Variants in PTPRD observed in about 807,000 individuals in gnomAD.
The protein encoded by PTPRD is receptor-type tyrosine-protein phosphatase delta.
Under a neutral mutation model 214.5 loss-of-function variants are expected in PTPRD, and 34 were observed. The observed-to-expected ratio is 0.16, with a 90% CI of 0.12 to 0.21. PTPRD has a LOEUF of 0.21. Among genes scored for constraint, PTPRD ranks in the 10% least tolerant of loss-of-function variants. The pLI is 1.00. For missense variants in PTPRD, 2,545 were observed against 2,398.7 expected (o/e 1.06, Z -1.27); for synonymous variants, 1,128 against 845.7 (o/e 1.33, Z -5.79).
intron 12 of PTPRD, among the ~76,000 whole-genome samples, chr9:8,721,552 A>G (rs2098498620): frequency 6.6e-6 from 1 of 152,198 alleles, no homozygotes; most frequent in Admixed American, 6.5e-5. Context: ...AAAATAAAAT[A>G]TTAACAAAAT....
chr9:9,457,774 A>AC (rs1555429842), intron 8 of PTPRD, among the ~76,000 whole-genome samples: 3 of 151,834 alleles, frequency 2.0e-5, no homozygotes, highest in Non-Finnish European at 4.4e-5. Context: ...CCCCAAATAC[A>AC]GGGGGAAGAT....
intron 5 of PTPRD, among the ~76,000 whole-genome samples, chr9:9,775,886 G>A (rs552882610): frequency 1.3e-4 from 19 of 147,660 alleles, no homozygotes; most frequent in African/African-American, 4.8e-4. Flanking sequence ...AACCAGGGAG[G>A]CGGAGCTTGC....
At chr9:8,823,426 A>G (rs2097111687) in intron 11 of PTPRD, among the ~76,000 whole-genome samples, 1 of 152,158 alleles carries the variant, frequency 6.6e-6, no homozygotes, top group Admixed American at 6.5e-5. Flanking sequence ...TTAAACCAAT[A>G]GTTTCCAAGC....
intron 8 of PTPRD, among the ~76,000 whole-genome samples, chr9:9,399,914 T>C (rs2069535028): frequency 6.6e-6 from 1 of 151,988 alleles, no homozygotes; most frequent in African/African-American, 2.4e-5. Flanking sequence ...ATGTCCTTTA[T>C]TAGCAGCATG....
chr9:10,213,261 CATT>C lies in PTPRD; in HGVS notation c.-545+127699_-545+127701del, dbSNP rs567360239. 1.3e-4 allele frequency among the ~76,000 whole-genome samples: 20 copies of C among 152,090 alleles called. No individual in the cohort carries two copies. The South Asian group carries it at 4.1e-3, about 32-fold the overall frequency. On this transcript the variant is annotated intron_variant, in intron 3 of 45. Coordinates refer to ENST00000381196, the MANE Select transcript of PTPRD (RefSeq NM_002839.4). ...AGATGGCAGAGTAAGCAAGTCAAAA[CATT>C]ATAAAATAGAGTTATAACAATCTAC... is the stretch of plus-strand genomic sequence containing the variant.
chr9:8,563,497 G>C (rs2154214062), intron 14 of PTPRD, among the ~76,000 whole-genome samples: 1 of 150,286 alleles, frequency 6.7e-6, no homozygotes, highest in East Asian at 2.0e-4. Flanking sequence ...GAGTGCAGTG[G>C]CGCAATCTTG....
intron 10 of PTPRD, among the ~76,000 whole-genome samples, chr9:9,141,323 T>G (rs898829464): frequency 2.6e-5 from 4 of 151,560 alleles, no homozygotes; most frequent in Non-Finnish European, 5.9e-5. Flanking sequence ...ACACGGCACC[T>G]GGATACTTGC....
At chr9:9,320,538 T>C (rs555205853) in intron 9 of PTPRD, among the ~76,000 whole-genome samples, 69 of 152,280 alleles carry the variant, frequency 4.5e-4, no homozygotes, top group Admixed American at 1.2e-3. Flanking sequence ...TTCACTTACA[T>C]CTGTAGTACA....
chr9:9,469,593 G>A (rs1473482681), intron 8 of PTPRD, among the ~76,000 whole-genome samples: 1 of 152,112 alleles, frequency 6.6e-6, no homozygotes, highest in Non-Finnish European at 1.5e-5. Flanking sequence ...AGATGAAAAG[G>A]CCTATTGAGT....
intron 8 of PTPRD, among the ~76,000 whole-genome samples, chr9:9,545,680 T>C (rs2078625386): frequency 6.6e-6 from 1 of 151,904 alleles, no homozygotes; most frequent in African/African-American, 2.4e-5. Flanking sequence ...ACATCTGTTC[T>C]TTCATCAGTA....
At chr9:9,377,144 A>G (rs1054851754) in intron 9 of PTPRD, among the ~76,000 whole-genome samples, 2 of 152,110 alleles carry the variant, frequency 1.3e-5, no homozygotes, top group African/African-American at 4.8e-5. Context: ...ATATAAAAAC[A>G]TCCAGTTATA....
intron 31 of PTPRD, among the ~76,000 whole-genome samples, chr9:8,469,658 T>A (rs534838623): frequency 3.2e-4 from 48 of 152,060 alleles, no homozygotes; most frequent in Non-Finnish European, 4.9e-4. Context: ...TTTTGTTCCT[T>A]CACCATCAAA....
chr9:8,832,142 T>C (rs2097307270), intron 11 of PTPRD, among the ~76,000 whole-genome samples: 1 of 151,672 alleles, frequency 6.6e-6, no homozygotes, highest in Non-Finnish European at 1.5e-5. Flanking sequence ...GTGTATGATC[T>C]ATACATATGT....
At chr9:9,499,477 A>G (rs142238674) in intron 8 of PTPRD, among the ~76,000 whole-genome samples, 18 of 152,230 alleles carry the variant, frequency 1.2e-4, no homozygotes, top group African/African-American at 4.1e-4. Flanking sequence ...ACTTTACTTC[A>G]GCTATCATAT....
intron 10 of PTPRD, among the ~76,000 whole-genome samples, chr9:9,127,019 C>A (rs2099835000): frequency 6.6e-6 from 1 of 151,670 alleles, no homozygotes; most frequent in African/African-American, 2.4e-5. Flanking sequence ...CACACACACA[C>A]ACTCAGGCTG....
chr9:8,647,019 C>T (rs1292277926), intron 12 of PTPRD, among the ~76,000 whole-genome samples: 1 of 152,194 alleles, frequency 6.6e-6, no homozygotes, highest in East Asian at 1.9e-4. Context: ...ATGTGACATA[C>T]CTTGCCACTG....
intron 3 of PTPRD, among the ~76,000 whole-genome samples, chr9:10,064,642 G>A (rs183418999): frequency 1.4e-4 from 22 of 151,814 alleles, no homozygotes; most frequent in African/African-American, 5.1e-4. Context: ...TTACAAAAGG[G>A]GAGATGTATT....
intron 11 of PTPRD, among the ~76,000 whole-genome samples, chr9:8,963,851 G>A (rs998685613): frequency 2.6e-5 from 4 of 151,976 alleles, no homozygotes; most frequent in African/African-American, 7.2e-5. Flanking sequence ...TGGGTTCAAG[G>A]AGTCCTCCTG....
At chr9:8,986,502 G>T (rs1219379595) in intron 11 of PTPRD, among the ~76,000 whole-genome samples, 1 of 150,940 alleles carries the variant, frequency 6.6e-6, no homozygotes, top group Non-Finnish European at 1.5e-5. Context: ...AAATAGTTTA[G>T]TATCTTTACT....
Sources: gnomAD v4.1 joint callset for allele counts (sites outside exome capture counted in the v4.1 genomes callset) on GRCh38, gnomAD v4.1.1 for gene constraint, MANE v1.5 for transcripts, NCBI Gene and HGNC (gene_info 2026-07-23, HGNC 2026-07-21) for gene names.